Variants in PACRG observed in about 807,000 individuals in gnomAD.
The protein encoded by PACRG is parkin coregulated, also known as parkin coregulated gene protein.
PACRG carries 29 observed loss-of-function variants against 29.7 expected under a neutral mutation model. The ratio of observed to expected loss-of-function variants is 0.98; its 90% CI spans 0.73 to 1.33. The LOEUF (loss-of-function observed/expected upper bound fraction) is 1.33, where lower values mean the gene tolerates loss of function less well. Ranked by LOEUF, PACRG falls within the 40% of genes most tolerant of loss-of-function variation. PACRG has a pLI of 0.00. For missense variants in PACRG, 279 were observed against 316.2 expected, an observed-to-expected ratio of 0.88 and a Z score of 0.89; for synonymous variants, 116 against 118.7, an observed-to-expected ratio of 0.98 and a Z score of 0.15.
At chr6:162,822,608 A>G (rs1217116619) in intron 2 of PACRG, among the ~76,000 whole-genome samples, 3 of 152,148 alleles carry the variant, frequency 2.0e-5, no homozygotes, top group Non-Finnish European at 2.9e-5. Context: ...TTGTAGCCAT[A>G]AATTCTCAAA....
At chr6:163,198,409 A>T (rs112644192) in intron 4 of PACRG, among the ~76,000 whole-genome samples, 1 of 152,250 alleles carries the variant, frequency 6.6e-6, no homozygotes, top group Admixed American at 6.5e-5. Flanking sequence ...CATACTGCTT[A>T]TGCATCAGGC....
chr6:163,013,483 C>G (rs533101534), intron 2 of PACRG, among the ~76,000 whole-genome samples: 9 of 150,588 alleles, frequency 6.0e-5, no homozygotes, highest in African/African-American at 2.2e-4. Context: ...ATGCTCTGTT[C>G]GACAATGTGG....
intron 4 of PACRG, among the ~76,000 whole-genome samples, chr6:163,202,354 A>G (rs117251927): frequency 1.2e-3 from 177 of 151,988 alleles, no homozygotes; most frequent in Non-Finnish European, 2.1e-3. Flanking sequence ...AAATATATAT[A>G]TATGTATATA....
At chr6:163,155,238 T>C (rs1778264989) in intron 4 of PACRG, among the ~76,000 whole-genome samples, 1 of 152,198 alleles carries the variant, frequency 6.6e-6, no homozygotes, top group South Asian at 2.1e-4. Flanking sequence ...TACGTATGCT[T>C]CCTCTGCCCT....
intron 2 of PACRG, among the ~76,000 whole-genome samples, chr6:162,974,727 T>C (rs961279612): frequency 6.6e-6 from 1 of 152,264 alleles, no homozygotes; most frequent in African/African-American, 2.4e-5. Context: ...AAGAGCTTTA[T>C]ATTTAATCAT....
intron 4 of PACRG, among the ~76,000 whole-genome samples, chr6:163,130,987 A>G (rs1021782979): frequency 1.3e-5 from 2 of 152,162 alleles, no homozygotes; most frequent in African/African-American, 4.8e-5. Context: ...TCCTAATTCC[A>G]ATACAACTGG....
chr6:163,136,625 C>T (rs891376462), intron 4 of PACRG, among the ~76,000 whole-genome samples: 5 of 152,150 alleles, frequency 3.3e-5, no homozygotes, highest in African/African-American at 1.2e-4. Flanking sequence ...AAACACTTTG[C>T]TGTTTACTAC....
At chr6:163,191,002 A>C in intron 4 of PACRG, 1 of 453,840 alleles carries the variant, frequency 2.2e-6, no homozygotes, top group Non-Finnish European at 4.4e-6. Context: ...GAAATCCCTT[A>C]TTTAGCATTT....
intron 2 of PACRG, among the ~76,000 whole-genome samples, chr6:162,940,856 T>A (rs892890577): frequency 6.6e-6 from 1 of 152,174 alleles, no homozygotes; most frequent in African/African-American, 2.4e-5. Context: ...CTTAGAGAAA[T>A]GAGTTTTTAC....
intron 4 of PACRG, among the ~76,000 whole-genome samples, chr6:163,113,432 G>C (rs1447295753): frequency 6.6e-6 from 1 of 152,092 alleles, no homozygotes; most frequent in Non-Finnish European, 1.5e-5. Flanking sequence ...TGAACTCAAA[G>C]AGAACCACAC....
At chr6:163,176,014 T>C (rs1779340907) in intron 4 of PACRG, among the ~76,000 whole-genome samples, 1 of 152,154 alleles carries the variant, frequency 6.6e-6, no homozygotes. Context: ...AGTTCAGAGA[T>C]TTGGGCTTCT....
At chr6:163,123,655 A>C (rs1003135342) in intron 4 of PACRG, among the ~76,000 whole-genome samples, 1 of 152,186 alleles carries the variant, frequency 6.6e-6, no homozygotes, top group Non-Finnish European at 1.5e-5. Context: ...GCAACTCTGC[A>C]TATGCCCCCT....
Position 163,017,857 on chromosome 6 carries a change from T to C in PACRG, c.292-44293T>C, listed in dbSNP as rs538598577. 5.3e-5 allele frequency among the ~76,000 whole-genome samples: 8 copies of C among 152,320 alleles called. 1 individual carries two copies. Among genetic ancestry groups the C allele is most frequent in the Non-Finnish European group, 4.4e-5 (3 of 68,000 alleles). On this transcript the variant is annotated intron_variant, in intron 2 of 4. Transcript: ENST00000366888. ...TTTTATTAGTGAGGGTTTTTCTTTT[T>C]TCACATTCACTTTTAAAATCTCTAT...
chr6:163,063,879 G>A (rs1178396073), intron 3 of PACRG, among the ~76,000 whole-genome samples: 7 of 152,112 alleles, frequency 4.6e-5, no homozygotes, highest in Admixed American at 3.3e-4. Context: ...GTAGCGTCCC[G>A]AGCCACGTTA....
At chr6:163,141,800 A>G (rs1355219411) in intron 4 of PACRG, among the ~76,000 whole-genome samples, 1 of 152,162 alleles carries the variant, frequency 6.6e-6, no homozygotes, top group Non-Finnish European at 1.5e-5. Flanking sequence ...GTAAAAGCTA[A>G]CAAAGTGATA....
At chr6:162,904,120 A>G (rs996112421) in intron 2 of PACRG, among the ~76,000 whole-genome samples, 61 of 152,310 alleles carry the variant, frequency 4.0e-4, no homozygotes, top group African/African-American at 1.4e-3. Flanking sequence ...CTCCTTCAGA[A>G]CCTCAGCTTT....
chr6:162,743,402 T>C (rs952847010), intron 1 of PACRG, among the ~76,000 whole-genome samples: 3 of 152,178 alleles, frequency 2.0e-5, no homozygotes, highest in African/African-American at 7.2e-5. Flanking sequence ...TTCCCACATC[T>C]CTACATGCCT....
At chr6:162,795,072 G>A (rs1209778623) in intron 1 of PACRG, among the ~76,000 whole-genome samples, 2 of 152,016 alleles carry the variant, frequency 1.3e-5, no homozygotes, top group Non-Finnish European at 2.9e-5. Context: ...ACTTAAAAGA[G>A]ATGAGGTAAT....
At chr6:163,182,157 C>T (rs188964708) in intron 4 of PACRG, among the ~76,000 whole-genome samples, 45 of 152,292 alleles carry the variant, frequency 3.0e-4, no homozygotes, top group African/African-American at 9.6e-4. Flanking sequence ...TTGTGTTCCA[C>T]GGTCCGGTGG....
Sources: gnomAD v4.1 joint callset for allele counts (sites outside exome capture counted in the v4.1 genomes callset) on GRCh38, gnomAD v4.1.1 for gene constraint, MANE v1.5 for transcripts, NCBI Gene and HGNC (gene_info 2026-07-23, HGNC 2026-07-21) for gene names.